The following TLCD5 variants were observed in gnomAD, a reference collection of about 807,000 sequenced individuals.
The protein encoded by TLCD5 is TLC domain containing 5.
A neutral mutation model predicts 20.5 loss-of-function variants in TLCD5; 15 were observed. That is an observed-to-expected ratio of 0.73 (90% CI 0.49 to 1.13). The LOEUF (loss-of-function observed/expected upper bound fraction) is 1.13, where lower values mean the gene tolerates loss of function less well. TLCD5 is among the 50% of genes most tolerant of loss of function. The pLI, the probability that TLCD5 is intolerant of heterozygous loss-of-function variation, is 0.00. For synonymous variants in TLCD5, 107 were observed against 114.7 expected (o/e 0.93, Z 0.43); for missense variants, 289 against 305.6 (o/e 0.95, Z 0.41).
chr11:120,327,741 A>C (rs1030934673), intron 2 of TLCD5, 101 bp downstream of exon 2: 7 of 1,197,476 alleles, frequency 5.8e-6, no homozygotes, highest in Middle Eastern at 2.0e-4. Context: ...ACTAATTCCC[A>C]TTATAATTTT....
At chr11:120,327,131 C>T (rs1206022203) in intron 1 of TLCD5, 3 of 528,114 alleles carry the variant, frequency 5.7e-6, no homozygotes, top group Non-Finnish European at 1.0e-5. Flanking sequence ...GGTCAGTCAT[C>T]GCTAGAGGGT....
chr11:120,326,999 A>T (rs1942015367), intron 1 of TLCD5: 2 of 239,842 alleles, frequency 8.3e-6, no homozygotes, highest in Non-Finnish European at 1.6e-5. Context: ...GTGTCATGTG[A>T]CCTCTAGCAG....
rs890492120 is a variant in TLCD5 at position 120,331,690 on chromosome 11, G to C, written c.*1175G>C. ...CCTATAGAGTTAGGGCTTTGGATCT[G>C]AGATGAATGAAGTGTGGGTAGATTT... On this transcript the variant is annotated 3_prime_UTR_variant, in exon 3 of 3. Transcript: ENST00000375095. The surrounding 1 kb of genome is among the most constrained non-coding windows in gnomAD (Gnocchi z 4.5). 3 of 152,252 alleles carry C rather than the reference G, an allele frequency of 2.0e-5. No homozygotes were observed. Among genetic ancestry groups the C allele is most frequent in the African/African-American group, 7.2e-5 (3 of 41,464 alleles). 9.4% of individuals were successfully genotyped at this position (152,252 alleles called of 1,614,324 possible).
intron 2 of TLCD5, 33 bp from the exon 3 acceptor site, chr11:120,329,944 C>A: frequency 1.3e-6 from 2 of 1,583,270 alleles, no homozygotes; most frequent in South Asian, 2.3e-5. Flanking sequence ...AATTCCCAGT[C>A]ACTCAATTTG....
chr11:120,328,375 C>G (rs1054637197), intron 2 of TLCD5, among the ~76,000 whole-genome samples: 1 of 152,118 alleles, frequency 6.6e-6, no homozygotes, highest in East Asian at 1.9e-4. Context: ...GCCACCGCAC[C>G]CGGCCAAGTA....
In TLCD5 at chr11:120,325,370, T is replaced by C. The variant is rs764917717; in HGVS notation, c.-2+2T>C. ...AGGCTTCCCGGTGCGCTCCGCCAGGTAACCGCTCGGCGCGAACTGCCCGGC... is the reference window on the plus strand; with the variant it reads ...AGGCTTCCCGGTGCGCTCCGCCAGGCAACCGCTCGGCGCGAACTGCCCGGC... On this transcript the variant is annotated splice_donor_variant, in intron 1 of 2. Transcript: ENST00000375095. LOFTEE classifies it low-confidence loss of function (5UTR_SPLICE). 2 of 152,064 alleles carry C rather than the reference T, an allele frequency of 1.3e-5. No homozygotes were observed. The highest frequency in any genetic ancestry group is 2.9e-5 in the Non-Finnish European group (2 of 68,008). 9.4% of individuals were successfully genotyped at this position (152,064 alleles called of 1,614,324 possible). A position where few individuals can be genotyped will look rare whatever the true frequency, so the allele number is the denominator to read the frequency against.
intron 1 of TLCD5, among the ~76,000 whole-genome samples, chr11:120,326,097 C>T (rs543631933): frequency 2.6e-5 from 4 of 152,326 alleles, no homozygotes; most frequent in Admixed American, 2.6e-4. Context: ...CAAAGTTTAT[C>T]TCAGAACTCC....
At chr11:120,326,324 C>T (rs1254870352) in intron 1 of TLCD5, among the ~76,000 whole-genome samples, 1 of 152,084 alleles carries the variant, frequency 6.6e-6, no homozygotes, top group Non-Finnish European at 1.5e-5. Flanking sequence ...TGGACACCTA[C>T]GGTTTTCTTG....
chr11:120,330,075 G>A lies in TLCD5; in HGVS notation c.298G>A (p.Ala100Thr), dbSNP rs1942114614. Residue 100 changes from alanine to threonine, a missense_variant, in exon 3 of 3, where the codon GCC (alanine) becomes ACC (threonine). Ala to Thr is a moderately conservative substitution (Grantham distance 58, BLOSUM62 0). Transcript: ENST00000375095. ...GTGCGTCTACTTTCAGTCTGAGGGT[G>A]CCTTGATGCTGGCTCATCACACATT... Reference protein sequence around the residue: ...GWCVYFQSEGALMLAHHTLSI... With the variant: ...GWCVYFQSEGTLMLAHHTLSI... 1.2e-6 allele frequency: 2 copies of A among 1,614,054 alleles called. No individual in the cohort carries two copies. Among genetic ancestry groups the A allele is most frequent in the African/African-American group, 2.7e-5 (2 of 74,908 alleles).
At position 120,330,451 on chromosome 11, in the gene TLCD5, C is replaced by G. The variant is rs1036387663; in HGVS notation, c.674C>G (p.Ala225Gly). 6.2e-7 allele frequency: 1 copy of G among 1,614,140 alleles called. No homozygotes were observed. Among genetic ancestry groups the G allele is most frequent in the Non-Finnish European group, 8.5e-7 (1 of 1,180,036 alleles). Reference protein sequence around the residue: ...AWRKSIKKYHAWRSRRSEERQ... With the variant: ...AWRKSIKKYHGWRSRRSEERQ... ...AGGAAGAGCATCAAGAAGTACCATG[C>G]TTGGAGAAGCAGGCGGAGTGAGGAA... The change falls in exon 3 of 3, where the codon GCT becomes GGT. Residue 225 changes from alanine to glycine, a missense_variant. Coordinates refer to ENST00000375095, the MANE Select transcript of TLCD5 (RefSeq NM_001198671.2).
At chr11:120,326,094 T>C (rs1352495124) in intron 1 of TLCD5, among the ~76,000 whole-genome samples, 2 of 152,238 alleles carry the variant, frequency 1.3e-5, no homozygotes, top group Non-Finnish European at 2.9e-5. Context: ...TTACAAAGTT[T>C]ATCTCAGAAC....
intron 2 of TLCD5, among the ~76,000 whole-genome samples, chr11:120,327,939 A>G (rs141974912): frequency 5.3e-5 from 8 of 152,232 alleles, no homozygotes; most frequent in African/African-American, 1.7e-4. Context: ...AGACAAAAAT[A>G]GAACTGTATC....
Position 120,330,619 on chromosome 11 carries a change from T to A in TLCD5, c.*104T>A. Reference sequence around the variant, plus strand: ...CACTTATAACAAACTTAGGTTTCAATAAAGGGCTAAATGTATTGATCAATT... The same window carrying A: ...CACTTATAACAAACTTAGGTTTCAAAAAAGGGCTAAATGTATTGATCAATT... On this transcript the variant is annotated 3_prime_UTR_variant, in exon 3 of 3. Transcript: ENST00000375095. The A allele has an allele frequency of 7.6e-7, 1 of 1,308,156 alleles. No individual in the cohort carries two copies. The allele number at this position is 1,308,156 out of a possible 1,614,324, so 81.0% of individuals were successfully genotyped here. A position where few individuals can be genotyped will look rare whatever the true frequency, so the allele number is the denominator to read the frequency against.
rs1942189648 is a variant in TLCD5, at chr11:120,333,020, T to C, written c.*2505T>C. 6.6e-6 allele frequency: 1 copy of C among 152,120 alleles called. No homozygotes were observed. The highest frequency in any genetic ancestry group is 6.5e-5 in the Admixed American group (1 of 15,274). 9.4% of individuals were successfully genotyped at this position (152,120 alleles called of 1,614,324 possible). On this transcript the variant is annotated 3_prime_UTR_variant, in exon 3 of 3. Transcript: ENST00000375095. This position sits in a 1 kb window ranked among gnomAD's most constrained non-coding sequence, Gnocchi z 4.5. ...GGCATTGAGATAATCTGACAGCATC[T>C]CCACTTCCTGTTTTTTTTCTTAATC...
At chr11:120,328,971 T>C (rs955236940) in intron 2 of TLCD5, among the ~76,000 whole-genome samples, 1 of 122,654 alleles carries the variant, frequency 8.2e-6, no homozygotes. Flanking sequence ...TATGCATATC[T>C]GTGTCCTAAT....
Position 120,327,427 on chromosome 11 carries a change from T to G in TLCD5, c.-1-14T>G. ...GCATCCTTTGTTTTTCTGGTTTTGG[T>G]CTTTTCATCACAGGATGGCATTAGC... On this transcript the variant is annotated splice_polypyrimidine_tract_variant and intron_variant, in intron 1 of 2. Transcript: ENST00000375095. 6.2e-7 allele frequency: 1 copy of G among 1,614,222 alleles called. No individual in the cohort carries two copies. The highest frequency in any genetic ancestry group is 8.5e-7 in the Non-Finnish European group (1 of 1,180,038).
Position 120,333,679 on chromosome 11 carries a change from T to C in TLCD5, c.*3164T>C, listed in dbSNP as rs528841346. The C allele has an allele frequency of 6.6e-6, 1 of 152,352 alleles. No individual in the cohort carries two copies. The highest frequency in any genetic ancestry group is 2.1e-4 in the South Asian group (1 of 4,828). The allele number at this position is 152,352 out of a possible 1,614,324, so 9.4% of individuals were successfully genotyped here. ...TTTATAAAAGTAAAACAACTTTTTA[T>C]AAACCCAGAGTCTGTCTTTATATTT... is the stretch of plus-strand genomic sequence containing the variant. On this transcript the variant is annotated 3_prime_UTR_variant, in exon 3 of 3. Transcript: ENST00000375095. This position sits in a 1 kb window ranked among gnomAD's most constrained non-coding sequence, Gnocchi z 4.5.
chr11:120,331,374 C>T lies in TLCD5; in HGVS notation c.*859C>T, dbSNP rs1273874161. 6.6e-6 allele frequency: 1 copy of T among 152,214 alleles called. No individual in the cohort carries two copies. The highest frequency in any genetic ancestry group is 6.5e-5 in the Admixed American group (1 of 15,276). 9.4% of individuals were successfully genotyped at this position (152,214 alleles called of 1,614,324 possible). A position where few individuals can be genotyped will look rare whatever the true frequency, so the allele number is the denominator to read the frequency against. ...ACATGTGAATGAGTTGTCTACTGGACAAGGTCACTACAGACTCAGTGCCCA... is the reference window on the plus strand; with the variant it reads ...ACATGTGAATGAGTTGTCTACTGGATAAGGTCACTACAGACTCAGTGCCCA... On this transcript the variant is annotated 3_prime_UTR_variant, in exon 3 of 3. Transcript: ENST00000375095. This position sits in a 1 kb window ranked among gnomAD's most constrained non-coding sequence, Gnocchi z 4.5.
intron 1 of TLCD5, among the ~76,000 whole-genome samples, chr11:120,326,382 T>C (rs1042671554): frequency 1.3e-5 from 2 of 152,220 alleles, no homozygotes; most frequent in African/African-American, 4.8e-5. Context: ...TTGACCTTCA[T>C]GAAGCCCTCT....
Sources: allele counts gnomAD v4.1 joint callset (sites outside exome capture counted in the v4.1 genomes callset), GRCh38; gene constraint gnomAD v4.1.1; non-coding constraint Gnocchi (gnomAD v3.1); transcripts MANE v1.5; gene names NCBI Gene and HGNC (gene_info 2026-07-23, HGNC 2026-07-21).